MTA3: variants seen among roughly 807,000 people sequenced by gnomAD.
The protein encoded by MTA3 is metastasis associated 1 family member 3.
In MTA3, 34 loss-of-function variants were observed where a neutral mutation model predicts 83.5. The ratio of observed to expected loss-of-function variants is 0.41; its 90% confidence interval spans 0.31 to 0.54. MTA3 has a LOEUF of 0.54. MTA3 is among the 20% of genes least tolerant of loss of function. MTA3 has a pLI of 0.33. For synonymous variants in MTA3, 303 were observed against 252.7 expected, an observed-to-expected ratio of 1.20 and a Z score of -1.89; for missense variants, 761 against 726.4, an observed-to-expected ratio of 1.05 and a Z score of -0.55.
chr2:42,591,248 T>TA (rs1680955451), intron 3 of MTA3, among the ~76,000 whole-genome samples: 1 of 152,182 alleles, frequency 6.6e-6, no homozygotes, highest in Non-Finnish European at 1.5e-5. Flanking sequence ...TATCTAAACA[T>TA]ATTTAAACAT....
At chr2:42,661,525 A>G (rs974411416) in intron 8 of MTA3, among the ~76,000 whole-genome samples, 1 of 144,558 alleles carries the variant, frequency 6.9e-6, no homozygotes, top group Non-Finnish European at 1.5e-5. Flanking sequence ...AAAAAAAAAA[A>G]AAAGAAAAAG....
chr2:42,725,610 T>C (rs1667752434), intron 16 of MTA3, among the ~76,000 whole-genome samples: 1 of 152,116 alleles, frequency 6.6e-6, no homozygotes. Flanking sequence ...ACCCAGAAGC[T>C]CAAGGAGGGC....
intron 12 of MTA3, among the ~76,000 whole-genome samples, chr2:42,705,147 G>A (rs780047844): frequency 3.9e-5 from 6 of 152,184 alleles, no homozygotes; most frequent in Non-Finnish European, 7.3e-5. Flanking sequence ...GTACGATTAC[G>A]TCGATTGATC....
chr2:42,525,655 CTTCTTTCT>C (rs1212325430), intron 2 of MTA3, among the ~76,000 whole-genome samples: 2 of 94,126 alleles, frequency 2.1e-5, no homozygotes, highest in Non-Finnish European at 4.2e-5. Context: ...TCTTTTTTTC[CTTCTTTCT>C]TTCTTTCTTT....
At position 42,549,725 on chromosome 2, in the gene MTA3, T is replaced by C. The variant is rs1019187119; in HGVS notation, c.-140-20712T>C. Among the ~76,000 whole-genome samples the C allele has an allele frequency of 4.4e-5, 6 of 135,008 alleles. No individual in the cohort carries two copies. In the East Asian group the frequency reaches 1.2e-3, roughly 27 times the overall value. 88.6% of individuals were successfully genotyped at this position (135,008 alleles called of 152,430 possible). ...TTATATATTATATATTTAAATTATA[T>C]ATTATATATGTATATAATGGAAAAT... On this transcript the variant is annotated intron_variant, in intron 2 of 17. Coordinates refer to the MTA3 transcript ENST00000405592.
At chr2:42,656,358 A>T (rs901864337) in intron 7 of MTA3, 56 bp downstream of exon 7, 2 of 1,101,040 alleles carry the variant, frequency 1.8e-6, no homozygotes, top group Non-Finnish European at 2.7e-6. Context: ...AAAAGAATTT[A>T]TAGGTATATG....
chr2:42,594,728 A>ATATATATATATATATATATATTTTT, intron 3 of MTA3, among the ~76,000 whole-genome samples: 3 of 24,038 alleles, frequency 1.2e-4, no homozygotes, highest in Middle Eastern at 0.071. Flanking sequence ...ATATATATAT[A>ATATATATATATATATATATATTTTT]TTTTTTTTTT....
At chr2:42,708,824 G>A in intron 13 of MTA3, 50 bp from the exon 14 acceptor site, 2 of 1,600,176 alleles carry the variant, frequency 1.2e-6, no homozygotes, top group Non-Finnish European at 1.7e-6. Flanking sequence ...ACAGTAACGT[G>A]TTTGGGCAAG....
intron 4 of MTA3, among the ~76,000 whole-genome samples, chr2:42,610,554 AGTT>A: frequency 6.6e-6 from 1 of 152,316 alleles, no homozygotes; most frequent in South Asian, 2.1e-4. Flanking sequence ...TCGTTTTGGC[AGTT>A]GTTGAGGAAA....
intron 3 of MTA3, among the ~76,000 whole-genome samples, chr2:42,587,267 G>A (rs1680448171): frequency 6.6e-6 from 1 of 152,060 alleles, no homozygotes; most frequent in Non-Finnish European, 1.5e-5. Flanking sequence ...AGCCATGATT[G>A]CGCCACTGCA....
chr2:42,528,210 C>A (rs1279806699), intron 2 of MTA3, among the ~76,000 whole-genome samples: 2 of 147,148 alleles, frequency 1.4e-5, no homozygotes, highest in African/African-American at 5.1e-5. Flanking sequence ...CAGATGTGAG[C>A]CACCGTGCCC....
rs1188308311 is a variant in MTA3, at chr2:42,579,220, T to A, written c.190+20T>A. 2.0e-6 allele frequency: 3 copies of A among 1,535,244 alleles called. No individual in the cohort carries two copies. Among genetic ancestry groups the A allele is most frequent in the Non-Finnish European group, 8.8e-7 (1 of 1,137,888 alleles). On this transcript the variant is annotated intron_variant, in intron 3 of 16. Transcript: ENST00000405094. ...ATGCTAGTAAGTTGTTTTTCTCTGA[T>A]TAAAAAAACGTTTTAAGTCTTGTGT...
At chr2:42,739,353 T>A (rs1011321100) in intron 16 of MTA3, among the ~76,000 whole-genome samples, 2 of 152,146 alleles carry the variant, frequency 1.3e-5, no homozygotes, top group East Asian at 3.8e-4. Context: ...ACAATAATTA[T>A]GTTTACACTA....
intron 2 of MTA3, among the ~76,000 whole-genome samples, chr2:42,525,857 A>G (rs1414093660): frequency 6.6e-6 from 1 of 151,402 alleles, no homozygotes; most frequent in African/African-American, 2.4e-5. Context: ...ACGGGGTTTC[A>G]CCTCGTTGCC....
At chr2:42,704,774 T>A (rs1665920052) in intron 12 of MTA3, among the ~76,000 whole-genome samples, 1 of 152,156 alleles carries the variant, frequency 6.6e-6, no homozygotes, top group South Asian at 2.1e-4. Context: ...GTGCACCAGT[T>A]TGGGAAATGC....
intron 2 of MTA3, among the ~76,000 whole-genome samples, chr2:42,560,178 A>G (rs1171182704): frequency 6.6e-6 from 1 of 152,034 alleles, no homozygotes; most frequent in African/African-American, 2.4e-5. Context: ...GCACGCCACC[A>G]CGCCCGGCTA....
chr2:42,746,311 T>A (rs1669419537), intron 16 of MTA3, among the ~76,000 whole-genome samples: 1 of 152,174 alleles, frequency 6.6e-6, no homozygotes, highest in South Asian at 2.1e-4. Context: ...GCACAGATTT[T>A]AAAAGCCCTA....
At chr2:42,535,740 A>T (rs939107540) in intron 2 of MTA3, among the ~76,000 whole-genome samples, 30 of 62,340 alleles carry the variant, frequency 4.8e-4, no homozygotes, top group African/African-American at 2.0e-3. Flanking sequence ...CACATGCATA[A>T]TAACCCTTGG....
At chr2:42,629,040 A>T (rs1459692859) in intron 4 of MTA3, among the ~76,000 whole-genome samples, 8 of 152,186 alleles carry the variant, frequency 5.3e-5, no homozygotes, top group African/African-American at 1.9e-4. Flanking sequence ...TTAAATGCTC[A>T]GTGCAACCTG....
Sources: allele counts gnomAD v4.1 joint callset (sites outside exome capture counted in the v4.1 genomes callset), GRCh38; gene constraint gnomAD v4.1.1; transcripts MANE v1.5; gene names NCBI Gene and HGNC (gene_info 2026-07-23, HGNC 2026-07-21).